SORL1: variants seen among roughly 807,000 people sequenced by gnomAD.
SORL1 encodes the protein sortilin related receptor 1.
In SORL1, 127 loss-of-function variants were observed where a neutral mutation model predicts 273.7. That is an observed-to-expected ratio of 0.46 (90% CI 0.40 to 0.54). The LOEUF is 0.54. Ranked by LOEUF, SORL1 falls within the 20% of genes least tolerant of loss-of-function variation. SORL1 has a pLI of 0.00. For synonymous variants in SORL1, 1,031 were observed against 1,067.4 expected, an observed-to-expected ratio of 0.97 and a Z score of 0.66; for missense variants, 2,494 against 2,846.1, an observed-to-expected ratio of 0.88 and a Z score of 2.81.
At chr11:121,559,101 T>G (rs1419686187) in intron 20 of SORL1, among the ~76,000 whole-genome samples, 1 of 152,220 alleles carries the variant, frequency 6.6e-6, no homozygotes, top group Non-Finnish European at 1.5e-5. Context: ...CCCCTCAGTG[T>G]CAGTAGCCTC....
intron 47 of SORL1, 85 bp from the exon 48 acceptor site, chr11:121,629,411 G>A (rs973506400): frequency 1.3e-6 from 1 of 776,288 alleles, no homozygotes; most frequent in Non-Finnish European, 2.4e-6. Flanking sequence ...GTTGTGGTAG[G>A]GTTGAGGGGT....
intron 40 of SORL1, 29 bp from the exon 41 acceptor site, chr11:121,614,842 C>A (rs754043560): frequency 6.2e-7 from 1 of 1,601,490 alleles, no homozygotes; most frequent in Admixed American, 1.7e-5. Context: ...CCAACTTCCT[C>A]CTGGAATCTC....
rs958247697 is a variant in SORL1, at chr11:121,563,159, G to A, written c.3049+3502G>A. On this transcript the variant is annotated intron_variant, in intron 21 of 47. Coordinates refer to ENST00000260197, the MANE Select transcript of SORL1 (RefSeq NM_003105.6). The surrounding 1 kb of genome is among the most constrained non-coding windows in gnomAD (Gnocchi z 4.2). ...TGTGTAGGTCACACTTTTAGTAAGT[G>A]GTAAGAATTTGCACTGTGGCCCGTT... is the stretch of plus-strand genomic sequence containing the variant. 6.6e-6 allele frequency among the ~76,000 whole-genome samples: 1 copy of A among 151,636 alleles called. No individual in the cohort carries two copies. Among genetic ancestry groups the A allele is most frequent in the Non-Finnish European group, 1.5e-5 (1 of 67,970 alleles).
At chr11:121,544,670 A>G (rs185928800) in intron 13 of SORL1, among the ~76,000 whole-genome samples, 1 of 152,350 alleles carries the variant, frequency 6.6e-6, no homozygotes, top group Non-Finnish European at 1.5e-5. Context: ...AGACATAGGC[A>G]TACTTTGGAA....
At chr11:121,545,822 T>C (rs540580420) in intron 14 of SORL1, among the ~76,000 whole-genome samples, 21 of 152,234 alleles carry the variant, frequency 1.4e-4, no homozygotes, top group Non-Finnish European at 2.6e-4. Flanking sequence ...TGTGTGTATA[T>C]GTGTGTGTGT....
At chr11:121,532,689 T>G (rs1362651058) in intron 12 of SORL1, 137 bp downstream of exon 12, 1 of 404,518 alleles carries the variant, frequency 2.5e-6, no homozygotes, top group Non-Finnish European at 4.1e-6. Flanking sequence ...GAGTTAAACT[T>G]TTTTTTTTTT....
intron 40 of SORL1, among the ~76,000 whole-genome samples, chr11:121,613,672 A>G (rs1233935028): frequency 1.3e-5 from 2 of 152,222 alleles, no homozygotes; most frequent in East Asian, 3.8e-4. Flanking sequence ...AACCCCAAGT[A>G]TAATTCCGTG....
At chr11:121,478,936 G>A (rs569837668) in intron 3 of SORL1, among the ~76,000 whole-genome samples, 228 of 151,002 alleles carry the variant, frequency 1.5e-3, no homozygotes, top group Middle Eastern at 7.0e-3. Context: ...TGGTACCCAC[G>A]TGCGTGTGTG....
intron 12 of SORL1, among the ~76,000 whole-genome samples, chr11:121,542,463 A>AT (rs58736773): frequency 0.069 from 10,387 of 151,136 alleles, 485 homozygotes; most frequent in East Asian, 0.12. Context: ...TGTGGCCTTG[A>AT]TTTTTTTTTG....
At chr11:121,485,649 C>A (rs1023827226) in intron 3 of SORL1, among the ~76,000 whole-genome samples, 13 of 152,186 alleles carry the variant, frequency 8.5e-5, no homozygotes, top group African/African-American at 2.7e-4. Context: ...TGCAGGAAGC[C>A]ATGGAACAGA....
intron 3 of SORL1, among the ~76,000 whole-genome samples, chr11:121,487,567 C>G (rs1393831488): frequency 6.6e-6 from 1 of 152,156 alleles, no homozygotes; most frequent in Non-Finnish European, 1.5e-5. Flanking sequence ...AGTGCTTTTC[C>G]TGGAAAGCCA....
chr11:121,523,082 G>T (rs1862065543), intron 11 of SORL1, 93 bp downstream of exon 11: 2 of 854,540 alleles, frequency 2.3e-6, no homozygotes, highest in South Asian at 2.7e-5. Flanking sequence ...GACACAAATG[G>T]TCCATGGCAG....
At chr11:121,529,814 T>C (rs1862176871) in intron 11 of SORL1, among the ~76,000 whole-genome samples, 2 of 152,214 alleles carry the variant, frequency 1.3e-5, no homozygotes, top group South Asian at 2.1e-4. Context: ...AATATAATTA[T>C]TGATGTATTT....
chr11:121,536,272 C>T (rs1335800066), intron 12 of SORL1, among the ~76,000 whole-genome samples: 1 of 152,122 alleles, frequency 6.6e-6, no homozygotes, highest in Non-Finnish European at 1.5e-5. Flanking sequence ...AGCAGCCCCA[C>T]AGTTCCAGAA....
At chr11:121,501,248 T>A (rs1225297297) in intron 6 of SORL1, among the ~76,000 whole-genome samples, 1 of 152,240 alleles carries the variant, frequency 6.6e-6, no homozygotes, top group Admixed American at 6.5e-5. Context: ...TCTGCAAAAT[T>A]TACCCTTTTT....
At chr11:121,579,473 C>T (rs1447439644) in intron 25 of SORL1, among the ~76,000 whole-genome samples, 2 of 152,228 alleles carry the variant, frequency 1.3e-5, no homozygotes, top group African/African-American at 4.8e-5. Flanking sequence ...GCCACTTTTA[C>T]TTTCCACGAG....
chr11:121,539,310 T>A (rs1862311664), intron 12 of SORL1, among the ~76,000 whole-genome samples: 1 of 152,246 alleles, frequency 6.6e-6, no homozygotes, highest in Non-Finnish European at 1.5e-5. Context: ...CCATTTGGGT[T>A]CTTAGCCTTG....
intron 26 of SORL1, 94 bp downstream of exon 26, chr11:121,583,677 TCTC>T (rs1338127144): frequency 2.9e-6 from 4 of 1,386,542 alleles, no homozygotes; most frequent in Non-Finnish European, 3.9e-6. Flanking sequence ...GAAATGCTGT[TCTC>T]CTATGCCTGT....
rs746531295 is a variant in SORL1, at chr11:121,595,595, A to G, written c.4370-28A>G. ...TTGGCCAGCTCCCTCAATATTAAAA[A>G]GTAAATTTTAAAAATCTTTTATTTT... On this transcript the variant is annotated intron_variant, in intron 31 of 47. Coordinates refer to ENST00000260197, the MANE Select transcript of SORL1 (RefSeq NM_003105.6). The surrounding 1 kb of genome is among the most constrained non-coding windows in gnomAD (Gnocchi z 5.1). 20 of 1,547,096 alleles carry G rather than the reference A, an allele frequency of 1.3e-5. No homozygotes were observed. The highest frequency in any genetic ancestry group is 1.7e-5 in the Non-Finnish European group (19 of 1,145,704).
Sources: gnomAD v4.1 joint callset for allele counts (sites outside exome capture counted in the v4.1 genomes callset) on GRCh38, gnomAD v4.1.1 for gene constraint, Gnocchi (gnomAD v3.1) non-coding constraint, MANE v1.5 for transcripts, NCBI Gene and HGNC (gene_info 2026-07-23, HGNC 2026-07-21) for gene names.